Variants in RYK observed in about 807,000 individuals in gnomAD.
The protein encoded by RYK is inactive tyrosine-protein kinase RYK.
A neutral mutation model predicts 70.2 loss-of-function variants in RYK; 21 were observed. The observed-to-expected ratio is 0.30, with a 90% CI of 0.21 to 0.43. RYK has a LOEUF of 0.43. Ranked by LOEUF, RYK falls within the 20% of genes least tolerant of loss-of-function variation. The probability of loss-of-function intolerance (pLI) is 1.00; values close to 1 mark genes in which losing one functional copy is unlikely to be tolerated. For missense variants in RYK, 604 were observed against 753.3 expected (o/e 0.80, Z 2.32); for synonymous variants, 267 against 278.0 (o/e 0.96, Z 0.39).
At chr3:134,193,244 C>T (rs368054248) in intron 7 of RYK, among the ~76,000 whole-genome samples, 2 of 151,024 alleles carry the variant, frequency 1.3e-5, no homozygotes, top group African/African-American at 2.4e-5. Context: ...AGTGCAGTGG[C>T]GTGATCTCAG....
At chr3:134,206,360 G>A (rs187597936) in intron 5 of RYK, among the ~76,000 whole-genome samples, 2 of 152,292 alleles carry the variant, frequency 1.3e-5, no homozygotes, top group Admixed American at 6.5e-5. Context: ...ATGATTTCAG[G>A]AAGATGCAGA....
intron 13 of RYK, among the ~76,000 whole-genome samples, chr3:134,167,849 G>A (rs945186164): frequency 1.3e-5 from 2 of 152,108 alleles, no homozygotes; most frequent in Non-Finnish European, 1.5e-5. Flanking sequence ...CCTACAAAAT[G>A]GGAGAAAATT....
At position 134,207,523 on chromosome 3, in the gene RYK, G is replaced by A; in HGVS notation, c.592C>T (p.Leu198Phe). ...FKRRKMCYKK[L>F]EEVKTSALDK... ...AAGGCTGAAGTTTTTACTTCTTCAA[G>A]TTCTGAATTTAAAGGAGAAAAATGA... The change falls in exon 5 of 15, where the codon CTT becomes TTT. Residue 198 changes from leucine (L) to phenylalanine (F), a missense_variant and splice_region_variant. Leu to Phe is a conservative substitution (Grantham distance 22, BLOSUM62 0). Around this residue, in one of 2 missense-constraint regions of RYK, gnomAD observed 466 missense variants for 535.9 expected, o/e 0.87. Transcript: ENST00000623711. 1 of 1,533,082 alleles carries A rather than the reference G, an allele frequency of 6.5e-7. No homozygotes were observed. The highest frequency in any genetic ancestry group is 8.8e-7 in the Non-Finnish European group (1 of 1,134,816). The allele number at this position is 1,533,082 out of a possible 1,614,324, so 95.0% of individuals were successfully genotyped here. A position where few individuals can be genotyped will look rare whatever the true frequency, so the allele number is the denominator to read the frequency against.
Position 134,188,931 on chromosome 3 carries a change from G to T in RYK, c.1016-8C>A, listed in dbSNP as rs754131720. 11 of 1,449,566 alleles carry T rather than the reference G, an allele frequency of 7.6e-6. No individual in the cohort carries two copies. The highest frequency in any genetic ancestry group is 1.1e-5 in the Non-Finnish European group (11 of 1,044,648). The allele number at this position is 1,449,566 out of a possible 1,614,324, so 89.8% of individuals were successfully genotyped here. On this transcript the variant is annotated splice_region_variant and splice_polypyrimidine_tract_variant and intron_variant, in intron 8 of 14. Transcript: ENST00000623711. Reference sequence around the variant, plus strand: ...AAATACGCCCAAAAGTACCTAAAAGGAAAAGTAATAATTAATGAGATCATA... The same window carrying T: ...AAATACGCCCAAAAGTACCTAAAAGTAAAAGTAATAATTAATGAGATCATA...
chr3:134,177,917 GGTA>G, intron 11 of RYK, 21 bp downstream of exon 11: 1 of 1,592,048 alleles, frequency 6.3e-7, no homozygotes, highest in South Asian at 1.2e-5. Context: ...GTAAATAATT[GGTA>G]TTTGGGCAAA....
Position 134,250,483 on chromosome 3 carries a change from C to G in RYK, c.172G>C (p.Ala58Pro). 7.4e-7 allele frequency: 1 copy of G among 1,346,144 alleles called. No homozygotes were observed. The highest frequency in any genetic ancestry group is 9.6e-7 in the Non-Finnish European group (1 of 1,043,568). 83.4% of individuals were successfully genotyped at this position (1,346,144 alleles called of 1,614,324 possible). Reference protein sequence around the residue: ...PAPRPPELQSASAGPSVSLYL... With the variant: ...PAPRPPELQSPSAGPSVSLYL... ...AGACTCACGCTGGGCCCCGCGGAAGCCGACTGCAGCTCCGGGGGCCGCGGG... is the reference window on the plus strand; with the variant it reads ...AGACTCACGCTGGGCCCCGCGGAAGGCGACTGCAGCTCCGGGGGCCGCGGG... The change falls in exon 1 of 15, where the codon GCT (alanine) becomes CCT (proline). Residue 58 changes from alanine to proline, a missense_variant. Coordinates refer to ENST00000623711, the MANE Select transcript of RYK (RefSeq NM_002958.4).
At chr3:134,224,985 T>C (rs1036334559) in intron 1 of RYK, among the ~76,000 whole-genome samples, 2 of 152,126 alleles carry the variant, frequency 1.3e-5, no homozygotes, top group Non-Finnish European at 2.9e-5. Context: ...TTTTCTTTAT[T>C]ATACTGGAAC....
chr3:134,231,866 G>C (rs2015066024), intron 1 of RYK, among the ~76,000 whole-genome samples: 1 of 152,038 alleles, frequency 6.6e-6, no homozygotes, highest in Admixed American at 6.6e-5. Context: ...ATTCACTGAG[G>C]ATTCTGGGAC....
chr3:134,233,348 G>A (rs2015112895), intron 1 of RYK, among the ~76,000 whole-genome samples: 2 of 152,124 alleles, frequency 1.3e-5, no homozygotes, highest in Non-Finnish European at 2.9e-5. Context: ...TGTTATAACA[G>A]AAATGTTTAT....
chr3:134,249,075 CATA>C (rs2015542130), intron 1 of RYK, among the ~76,000 whole-genome samples: 1 of 152,062 alleles, frequency 6.6e-6, no homozygotes, highest in Non-Finnish European at 1.5e-5. Flanking sequence ...CAAAACCATG[CATA>C]ATACGTTAAT....
In RYK at chr3:134,229,757, G is replaced by T. The variant is rs181564761; in HGVS notation, c.233-7218C>A. Among the ~76,000 whole-genome samples the T allele has an allele frequency of 1.2e-3, 182 of 152,126 alleles. 2 individuals carry two copies. The highest frequency in any genetic ancestry group is 4.2e-3 in the South Asian group (20 of 4,816). The stretch of plus-strand genomic sequence containing the variant: ...AAATTAAATAAAATGGACAAAAGAT[G>T]TCAGCAGACATTTCATAATTATATA... On this transcript the variant is annotated intron_variant, in intron 1 of 14. Transcript: ENST00000623711.
At chr3:134,208,742 C>G (rs1332239963) in intron 4 of RYK, among the ~76,000 whole-genome samples, 1 of 152,154 alleles carries the variant, frequency 6.6e-6, no homozygotes, top group African/African-American at 2.4e-5. Flanking sequence ...CCTAGCTGCA[C>G]CACTTAGCTA....
chr3:134,178,098 G>A, intron 10 of RYK, 25 bp from the exon 11 acceptor site: 1 of 1,514,964 alleles, frequency 6.6e-7, no homozygotes, highest in East Asian at 2.3e-5. Context: ...AAAATTGGGA[G>A]AAAGACAAAG....
intron 2 of RYK, 101 bp downstream of exon 2, chr3:134,222,317 C>A: frequency 8.4e-7 from 1 of 1,188,458 alleles, no homozygotes; most frequent in Non-Finnish European, 1.2e-6. Context: ...ACATCACCAG[C>A]GGACCCTTCA....
intron 7 of RYK, among the ~76,000 whole-genome samples, chr3:134,194,258 T>C (rs1184618158): frequency 6.6e-6 from 1 of 152,230 alleles, no homozygotes; most frequent in African/African-American, 2.4e-5. Flanking sequence ...GGAGCCTTAG[T>C]CACCTCTCAT....
chr3:134,211,179 C>A (rs1158219772), intron 3 of RYK, among the ~76,000 whole-genome samples: 3 of 152,012 alleles, frequency 2.0e-5, no homozygotes, highest in Non-Finnish European at 4.4e-5. Context: ...CAAACATGAC[C>A]GTGCAAAGAT....
intron 9 of RYK, among the ~76,000 whole-genome samples, chr3:134,185,221 C>T (rs2013424199): frequency 6.6e-6 from 1 of 152,078 alleles, no homozygotes; most frequent in Non-Finnish European, 1.5e-5. Flanking sequence ...ACTGGCAAAG[C>T]CAAGATTCAT....
At chr3:134,222,354 C>A (rs1385516823) in intron 2 of RYK, 64 bp downstream of exon 2, 1 of 1,593,972 alleles carries the variant, frequency 6.3e-7, no homozygotes, top group Non-Finnish European at 8.6e-7. Flanking sequence ...AGTCCTCAAA[C>A]ACAGCCCTTG....
chr3:134,168,694 C>T (rs2012783698), intron 13 of RYK, among the ~76,000 whole-genome samples: 1 of 151,944 alleles, frequency 6.6e-6, no homozygotes, highest in South Asian at 2.1e-4. Flanking sequence ...GGGTGCAGCA[C>T]ACCAACATGG....
Sources: gnomAD v4.1 joint callset for allele counts (sites outside exome capture counted in the v4.1 genomes callset) on GRCh38, gnomAD v4.1.1 for gene constraint, gnomAD v4.1.1 regional missense constraint, MANE v1.5 for transcripts, NCBI Gene and HGNC (gene_info 2026-07-23, HGNC 2026-07-21) for gene names.